GAS2: variants seen among roughly 807,000 people sequenced by gnomAD.
The protein encoded by GAS2 is growth arrest specific 2, also known as growth arrest-specific protein 2.
Under a neutral mutation model 37.5 loss-of-function variants are expected in GAS2, and 20 were observed. That is an observed-to-expected ratio of 0.53 (90% CI 0.37 to 0.77). GAS2 has a LOEUF of 0.77. Ranked by LOEUF, GAS2 falls within the 30% of genes least tolerant of loss-of-function variation. GAS2 has a pLI of 0.00. For synonymous variants in GAS2, 144 were observed against 132.2 expected (o/e 1.09, Z -0.61); for missense variants, 336 against 373.4 (o/e 0.90, Z 0.82).
intron 5 of GAS2, among the ~76,000 whole-genome samples, chr11:22,747,685 C>G (rs2134280965): frequency 6.6e-6 from 1 of 152,204 alleles, no homozygotes; most frequent in Non-Finnish European, 1.5e-5. Flanking sequence ...AACTAACTAT[C>G]TAGTCACAAG....
At chr11:22,747,810 C>T (rs1473305635) in intron 5 of GAS2, among the ~76,000 whole-genome samples, 6 of 152,062 alleles carry the variant, frequency 3.9e-5, no homozygotes, top group Non-Finnish European at 8.8e-5. Context: ...TTATAAATCC[C>T]TTTATCTTGT....
At chr11:22,739,527 T>A (rs990675336) in intron 5 of GAS2, among the ~76,000 whole-genome samples, 2 of 130,860 alleles carry the variant, frequency 1.5e-5, no homozygotes, top group Non-Finnish European at 3.1e-5. Flanking sequence ...GAGCCTAGAT[T>A]GCACCACTGC....
chr11:22,774,371 T>G (rs1261434365), intron 7 of GAS2, among the ~76,000 whole-genome samples: 1 of 152,230 alleles, frequency 6.6e-6, no homozygotes, highest in African/African-American at 2.4e-5. Flanking sequence ...AACCCAGAGC[T>G]CTCTCAACTT....
At chr11:22,743,748 A>G (rs1440041930) in intron 5 of GAS2, among the ~76,000 whole-genome samples, 1 of 152,100 alleles carries the variant, frequency 6.6e-6, no homozygotes. Context: ...TAGAAGAATA[A>G]GAACAAACTA....
intron 5 of GAS2, among the ~76,000 whole-genome samples, chr11:22,741,999 G>A (rs1345862958): frequency 6.6e-6 from 1 of 151,924 alleles, no homozygotes; most frequent in African/African-American, 2.4e-5. Context: ...GCCTCAGTTT[G>A]GGGTCTTAGT....
intron 7 of GAS2, among the ~76,000 whole-genome samples, chr11:22,788,274 T>G (rs1855913494): frequency 6.6e-6 from 1 of 152,196 alleles, no homozygotes; most frequent in Non-Finnish European, 1.5e-5. Flanking sequence ...AGAAAATATG[T>G]TTTTCTTCCT....
At chr11:22,663,337 G>C (rs1448724715), upstream of GAS2, among the ~76,000 whole-genome samples, 1 of 151,804 alleles carries the variant, frequency 6.6e-6, no homozygotes, top group African/African-American at 2.4e-5. Flanking sequence ...ACTGAGATGG[G>C]AGGATAGCTA....
intron 7 of GAS2, among the ~76,000 whole-genome samples, chr11:22,763,295 G>A (rs1854494949): frequency 6.6e-6 from 1 of 152,092 alleles, no homozygotes; most frequent in Admixed American, 6.5e-5. Flanking sequence ...AGCAAGAGAG[G>A]CACCAAAGCT....
In GAS2 at chr11:22,749,222, T is replaced by A; in HGVS notation, c.576T>A (p.Ser192=). 1 of 1,612,224 alleles carries A rather than the reference T, an allele frequency of 6.2e-7. No homozygotes were observed. The highest frequency in any genetic ancestry group is 8.5e-7 in the Non-Finnish European group (1 of 1,179,034). The change falls in exon 6 of 8, where the codon TCT becomes TCA. Residue 192 remains serine, a synonymous_variant. Coordinates refer to ENST00000454584, the MANE Select transcript of GAS2 (RefSeq NM_001143830.3). ...CTTCACCTTCTCCTTCATCAAAGTC[T>A]TCTGGAAAAAAGAGTACAGGAAACT... The part of the protein sequence containing the change: ...PSPSPSPSSK[S]SGKKSTGNLL...
intron 7 of GAS2, among the ~76,000 whole-genome samples, chr11:22,792,351 T>C (rs1230512487): frequency 6.6e-6 from 1 of 152,236 alleles, no homozygotes; most frequent in African/African-American, 2.4e-5. Context: ...CTCTACTACC[T>C]GTGTGCATCT....
chr11:22,675,074 C>T (rs866992692), intron 2 of GAS2, 60 bp downstream of exon 2: 5 of 1,525,194 alleles, frequency 3.3e-6, no homozygotes, highest in Non-Finnish European at 4.5e-6. Context: ...TATTTTTCCT[C>T]CTGTAGTGTC....
At chr11:22,778,699 G>C (rs1310026454) in intron 7 of GAS2, among the ~76,000 whole-genome samples, 1 of 152,190 alleles carries the variant, frequency 6.6e-6, no homozygotes, top group Non-Finnish European at 1.5e-5. Flanking sequence ...TCAGTCTGTA[G>C]GTAGAAATCA....
chr11:22,709,902 A>AT (rs1220323424), intron 3 of GAS2, among the ~76,000 whole-genome samples: 1 of 151,732 alleles, frequency 6.6e-6, no homozygotes. Flanking sequence ...TCAGTAAACT[A>AT]TTGCAAGGAC....
intron 7 of GAS2, among the ~76,000 whole-genome samples, chr11:22,796,326 G>T (rs549550881): frequency 2.0e-5 from 3 of 152,102 alleles, no homozygotes; most frequent in South Asian, 2.1e-4. Context: ...TCCAGGCATT[G>T]TTTGGCTTGC....
chr11:22,745,978 C>T (rs1853374014), intron 5 of GAS2, among the ~76,000 whole-genome samples: 1 of 151,962 alleles, frequency 6.6e-6, no homozygotes, highest in African/African-American at 2.4e-5. Flanking sequence ...ACGAGCTCCA[C>T]CTCTATAAAA....
rs188021918 is a variant in GAS2 at position 22,700,620 on chromosome 11, A to G, written c.267+14831A>G. Among the ~76,000 whole-genome samples, 857 of 152,300 alleles carry G rather than the reference A, an allele frequency of 5.6e-3. 8 individuals carry two copies. Among genetic ancestry groups the G allele is most frequent in the African/African-American group, 0.02 (814 of 41,576 alleles). On this transcript the variant is annotated intron_variant, in intron 3 of 7. Coordinates refer to ENST00000454584, the MANE Select transcript of GAS2 (RefSeq NM_001143830.3). Reference sequence around the variant, plus strand: ...TTTAGTTAATTGTAAATGTTATTATATAGTGACATGATGTATTATTTGAGT... The same window carrying G: ...TTTAGTTAATTGTAAATGTTATTATGTAGTGACATGATGTATTATTTGAGT...
chr11:22,711,921 C>T (rs1287857059), intron 3 of GAS2, among the ~76,000 whole-genome samples: 2 of 152,158 alleles, frequency 1.3e-5, no homozygotes, highest in East Asian at 1.9e-4. Context: ...CTTTGCCCAC[C>T]TTGGTAACCA....
At chr11:22,707,645 A>G (rs1055345936) in intron 3 of GAS2, among the ~76,000 whole-genome samples, 11 of 152,200 alleles carry the variant, frequency 7.2e-5, no homozygotes, top group African/African-American at 2.2e-4. Flanking sequence ...AAAAATGTAC[A>G]GAGAAATTGG....
intron 5 of GAS2, among the ~76,000 whole-genome samples, chr11:22,739,099 G>A (rs981709888): frequency 6.6e-6 from 1 of 152,084 alleles, no homozygotes; most frequent in Non-Finnish European, 1.5e-5. Context: ...TGTTTCTTAG[G>A]ACTTCGTTCT....
Sources: gnomAD v4.1 joint callset for allele counts (sites outside exome capture counted in the v4.1 genomes callset) on GRCh38, gnomAD v4.1.1 for gene constraint, MANE v1.5 for transcripts, NCBI Gene and HGNC (gene_info 2026-07-23, HGNC 2026-07-21) for gene names.